The following H2BK1 variants were observed in gnomAD, a reference collection of about 807,000 sequenced individuals.
H2BK1 encodes the protein histone H2B type 2-K1.
At chr7:151,208,156 G>C in the H2BK1 span, 32 of 1,586,458 alleles carry the variant, frequency 2.0e-5, no homozygotes, top group East Asian at 1.1e-4. Flanking sequence ...CCAGGGGAGG[G>C]GGGGTCCTGC....
the H2BK1 span, chr7:151,210,266 C>T: frequency 0.068 from 27,020 of 399,242 alleles, 1,167 homozygotes; most frequent in South Asian, 0.19. Context: ...GTTCCCAGAA[C>T]TGCGACCCCC....
At chr7:151,207,956 A>C in the H2BK1 span, 1 of 1,352,236 alleles carries the variant, frequency 7.4e-7, no homozygotes. Context: ...CAGCAGACGC[A>C]CAGCCGTCTG....
the H2BK1 span, chr7:151,210,159 C>T: frequency 2.5e-6 from 1 of 398,970 alleles, no homozygotes; most frequent in Non-Finnish European, 4.4e-6. Flanking sequence ...GAGGGCATCC[C>T]TCACACACAT....
chr7:151,210,416 G>T, the H2BK1 span: 80 of 8,716 alleles, frequency 9.2e-3, no homozygotes, highest in Middle Eastern at 0.071. Flanking sequence ...GCACCTGGGA[G>T]GGGGGGGGGG....
chr7:151,208,104 G>T, the H2BK1 span: 1 of 1,614,106 alleles, frequency 6.2e-7, no homozygotes, highest in Non-Finnish European at 8.5e-7. Flanking sequence ...ATGTCAGGGT[G>T]CACCTGGAGA....
the H2BK1 span, chr7:151,210,422 G>C: frequency 3.4e-5 from 13 of 377,166 alleles, no homozygotes; most frequent in Non-Finnish European, 5.2e-5. Flanking sequence ...GGGAGGGGGG[G>C]GGGGGGCAGG....
chr7:151,209,917 T>G, the H2BK1 span, among the ~76,000 whole-genome samples: 1 of 152,222 alleles, frequency 6.6e-6, no homozygotes, highest in Non-Finnish European at 1.5e-5. Context: ...CCTTTAATTA[T>G]GTCCCACCTA....
chr7:151,208,152 G>T, the H2BK1 span: 1 of 1,586,874 alleles, frequency 6.3e-7, no homozygotes, highest in Non-Finnish European at 8.6e-7. Flanking sequence ...GGGGCCAGGG[G>T]AGGGGGGGTC....
At chr7:151,209,827 G>A in the H2BK1 span, among the ~76,000 whole-genome samples, 1 of 152,114 alleles carries the variant, frequency 6.6e-6, no homozygotes, top group Non-Finnish European at 1.5e-5. Flanking sequence ...TCCTCTTCTC[G>A]GTCACCAACA....
the H2BK1 span, chr7:151,210,049 C>G: frequency 2.5e-6 from 1 of 395,654 alleles, no homozygotes; most frequent in Non-Finnish European, 4.5e-6. Context: ...CAGGTCCCGC[C>G]ACCTCAAGAG....
the H2BK1 span, among the ~76,000 whole-genome samples, chr7:151,209,994 A>G: frequency 6.6e-6 from 1 of 152,130 alleles, no homozygotes. Flanking sequence ...TTTGTCTCCT[A>G]TCACCGGTGC....
At chr7:151,209,947 G>A in the H2BK1 span, among the ~76,000 whole-genome samples, 11 of 152,092 alleles carry the variant, frequency 7.2e-5, no homozygotes, top group East Asian at 1.9e-4. Context: ...TCTCATCATC[G>A]TTCCCGTAAA....
At chr7:151,209,159 A>G in the H2BK1 span, among the ~76,000 whole-genome samples, 28 of 152,068 alleles carry the variant, frequency 1.8e-4, no homozygotes, top group Non-Finnish European at 4.0e-4. Flanking sequence ...TGTCCCACCC[A>G]TCAGTTGCAA....
the H2BK1 span, among the ~76,000 whole-genome samples, chr7:151,208,735 C>T: frequency 6.6e-6 from 1 of 152,216 alleles, no homozygotes; most frequent in Non-Finnish European, 1.5e-5. Flanking sequence ...TGCAGCTGTA[C>T]TGTGAATCCC....
chr7:151,208,615 C>T, the H2BK1 span, among the ~76,000 whole-genome samples: 2,559 of 152,236 alleles, frequency 0.017, 74 homozygotes, highest in African/African-American at 0.058. Flanking sequence ...TTTCCAGAGG[C>T]GGGACTGTAG....
the H2BK1 span, among the ~76,000 whole-genome samples, chr7:151,208,301 T>C: frequency 3.9e-5 from 6 of 152,224 alleles, no homozygotes; most frequent in Non-Finnish European, 5.9e-5. Context: ...TGTACTGCTA[T>C]GGTATATCTA....
the H2BK1 span, chr7:151,210,318 T>C: frequency 5.1e-6 from 2 of 389,680 alleles, no homozygotes; most frequent in Non-Finnish European, 9.1e-6. Context: ...TCAGCGCTCA[T>C]CCTCCTGCTT....
At chr7:151,209,310 C>G in the H2BK1 span, among the ~76,000 whole-genome samples, 1 of 145,598 alleles carries the variant, frequency 6.9e-6, no homozygotes, top group East Asian at 2.2e-4. Flanking sequence ...CCACCCCCAA[C>G]CCCACAAGAG....
the H2BK1 span, among the ~76,000 whole-genome samples, chr7:151,209,100 G>A: frequency 6.6e-6 from 1 of 152,078 alleles, no homozygotes; most frequent in African/African-American, 2.4e-5. Flanking sequence ...CAGATCAGGA[G>A]GTTGAGGGGT....
Sources: allele counts gnomAD v4.1 joint callset (sites outside exome capture counted in the v4.1 genomes callset), GRCh38; gene constraint gnomAD v4.1.1; transcripts MANE v1.5; gene names NCBI Gene and HGNC (gene_info 2026-07-23, HGNC 2026-07-21).